Variants in DYNC1I1 observed in about 807,000 individuals in gnomAD.
DYNC1I1 encodes cytoplasmic dynein 1 intermediate chain 1.
A neutral mutation model predicts 86.6 loss-of-function variants in DYNC1I1; 43 were observed. That is an observed-to-expected ratio of 0.50 (90% CI 0.39 to 0.64). DYNC1I1 has a LOEUF of 0.64. DYNC1I1 is among the 30% of genes least tolerant of loss of function. The pLI is 0.00. For missense variants in DYNC1I1, 604 were observed against 788.8 expected, an observed-to-expected ratio of 0.77 and a Z score of 2.81; for synonymous variants, 262 against 283.7, an observed-to-expected ratio of 0.92 and a Z score of 0.77.
intron 5 of DYNC1I1, among the ~76,000 whole-genome samples, chr7:95,836,613 C>T (rs889208605): frequency 1.3e-5 from 2 of 152,078 alleles, no homozygotes; most frequent in African/African-American, 4.8e-5. Context: ...ACCAGTCAGA[C>T]GTAGATTTGG....
At chr7:95,807,575 G>A (rs534683964) in intron 2 of DYNC1I1, among the ~76,000 whole-genome samples, 13 of 152,138 alleles carry the variant, frequency 8.5e-5, no homozygotes, top group African/African-American at 3.1e-4. Flanking sequence ...ATACCCTGAT[G>A]GACTACATTC....
At chr7:95,831,160 A>C (rs979394007) in intron 5 of DYNC1I1, among the ~76,000 whole-genome samples, 3 of 152,170 alleles carry the variant, frequency 2.0e-5, no homozygotes, top group Non-Finnish European at 4.4e-5. Flanking sequence ...ATTTTCTCTC[A>C]GTCTATGACC....
At chr7:95,856,903 C>T (rs911996805) in intron 5 of DYNC1I1, among the ~76,000 whole-genome samples, 10 of 151,770 alleles carry the variant, frequency 6.6e-5, no homozygotes, top group African/African-American at 1.9e-4. Flanking sequence ...CGCTTGAATC[C>T]GGGGGGCAGA....
chr7:95,881,156 T>C (rs1163598732), intron 6 of DYNC1I1, among the ~76,000 whole-genome samples: 1 of 152,158 alleles, frequency 6.6e-6, no homozygotes, highest in South Asian at 2.1e-4. Flanking sequence ...GGTTATATTC[T>C]AGGAACAAGG....
intron 6 of DYNC1I1, among the ~76,000 whole-genome samples, chr7:95,929,278 G>C (rs368697610): frequency 6.6e-6 from 1 of 152,072 alleles, no homozygotes; most frequent in Non-Finnish European, 1.5e-5. Flanking sequence ...GTCACCTACT[G>C]TGATCTTTGC....
intron 9 of DYNC1I1, among the ~76,000 whole-genome samples, chr7:95,989,555 C>G (rs888020590): frequency 6.6e-6 from 1 of 152,164 alleles, no homozygotes; most frequent in Non-Finnish European, 1.5e-5. Context: ...ACCTTGTTCC[C>G]GGGTCAGCTG....
chr7:95,972,683 G>A lies in DYNC1I1; in HGVS notation c.491-4829G>A, dbSNP rs118123790. Among the ~76,000 whole-genome samples, 74 of 152,264 alleles carry A rather than the reference G, an allele frequency of 4.9e-4. No individual in the cohort carries two copies. In the East Asian group the frequency reaches 0.014, roughly 29 times the overall value. On this transcript the variant is annotated intron_variant, in intron 6 of 16. Coordinates refer to ENST00000447467, the MANE Select transcript of DYNC1I1 (RefSeq NM_001135556.2). ...CTATCAAAACAAGTCAGCGAGCAGA[G>A]GACTGCTGCATACTAAAACTGTCTA... is the stretch of plus-strand genomic sequence containing the variant.
intron 6 of DYNC1I1, among the ~76,000 whole-genome samples, chr7:95,888,676 A>C (rs957124258): frequency 2.2e-4 from 33 of 152,176 alleles, no homozygotes; most frequent in African/African-American, 7.7e-4. Flanking sequence ...AAAAGGAATA[A>C]AATTCATTTC....
intron 6 of DYNC1I1, among the ~76,000 whole-genome samples, chr7:95,966,618 C>A (rs1793020518): frequency 6.6e-6 from 1 of 152,192 alleles, no homozygotes. Context: ...AGCTCATTCA[C>A]CTTAGTGGAA....
At chr7:96,058,800 A>ATT (rs35348142) in intron 14 of DYNC1I1, among the ~76,000 whole-genome samples, 18,484 of 98,474 alleles carry the variant, frequency 0.19, 1,872 homozygotes, top group East Asian at 0.26. Context: ...TGCCTGGCTA[A>ATT]TTTTTTTTTT....
chr7:95,863,745 T>C (rs1789949509), intron 5 of DYNC1I1, among the ~76,000 whole-genome samples: 1 of 152,196 alleles, frequency 6.6e-6, no homozygotes, highest in Admixed American at 6.5e-5. Context: ...CTCCTCTTAT[T>C]TCAGGATGTA....
At chr7:95,980,062 C>G (rs182581331) in intron 7 of DYNC1I1, among the ~76,000 whole-genome samples, 11 of 152,272 alleles carry the variant, frequency 7.2e-5, no homozygotes, top group Non-Finnish European at 1.6e-4. Flanking sequence ...GCCCCAATCT[C>G]CAAGTCGTCT....
At chr7:95,904,588 T>C (rs1791124179) in intron 6 of DYNC1I1, among the ~76,000 whole-genome samples, 1 of 150,502 alleles carries the variant, frequency 6.6e-6, no homozygotes, top group Admixed American at 6.7e-5. Flanking sequence ...TTTACATATA[T>C]ATGTAAAAAT....
chr7:95,855,456 C>T (rs775976274), intron 5 of DYNC1I1, among the ~76,000 whole-genome samples: 8 of 152,174 alleles, frequency 5.3e-5, no homozygotes, highest in Non-Finnish European at 4.4e-5. Flanking sequence ...GACCATTGAT[C>T]ATCCTGTACC....
intron 1 of DYNC1I1, among the ~76,000 whole-genome samples, chr7:95,778,622 C>T (rs900177890): frequency 1.3e-5 from 2 of 152,092 alleles, no homozygotes; most frequent in Non-Finnish European, 2.9e-5. Flanking sequence ...ACAAGATGGG[C>T]TAATTCCAGT....
At chr7:95,814,045 G>T (rs1023342526) in intron 4 of DYNC1I1, among the ~76,000 whole-genome samples, 6 of 152,136 alleles carry the variant, frequency 3.9e-5, no homozygotes, top group African/African-American at 1.4e-4. Context: ...GTAAATCTCC[G>T]AATCCAGCTG....
intron 6 of DYNC1I1, among the ~76,000 whole-genome samples, chr7:95,892,981 A>T (rs971095975): frequency 6.6e-6 from 1 of 152,240 alleles, no homozygotes; most frequent in Admixed American, 6.5e-5. Context: ...AATAAATTGC[A>T]AATTCTGCCA....
intron 6 of DYNC1I1, among the ~76,000 whole-genome samples, chr7:95,940,671 G>A (rs1792185332): frequency 6.6e-6 from 1 of 152,134 alleles, no homozygotes; most frequent in African/African-American, 2.4e-5. Flanking sequence ...GCACTTCTCT[G>A]TATTGGTTAT....
chr7:95,935,781 A>C (rs1792023794), intron 6 of DYNC1I1, among the ~76,000 whole-genome samples: 3 of 152,062 alleles, frequency 2.0e-5, no homozygotes, highest in Non-Finnish European at 4.4e-5. Flanking sequence ...TACCCTGATT[A>C]AGAAATGGAC....
Sources: gnomAD v4.1 joint callset for allele counts (sites outside exome capture counted in the v4.1 genomes callset) on GRCh38, gnomAD v4.1.1 for gene constraint, MANE v1.5 for transcripts, NCBI Gene and HGNC (gene_info 2026-07-23, HGNC 2026-07-21) for gene names.